Variants in C12orf54 observed in about 807,000 individuals in gnomAD.
C12orf54 encodes the protein uncharacterized protein C12orf54.
In C12orf54, 24 loss-of-function variants were observed where a neutral mutation model predicts 26.4. The ratio of observed to expected loss-of-function variants is 0.91; its 90% CI spans 0.66 to 1.28. The LOEUF is 1.28. Ranked by LOEUF, C12orf54 falls within the 50% of genes most tolerant of loss-of-function variation. The probability of loss-of-function intolerance (pLI) is 0.00; values close to 1 mark genes in which losing one functional copy is unlikely to be tolerated. For missense variants in C12orf54, 154 were observed against 150.9 expected, an observed-to-expected ratio of 1.02 and a Z score of -0.11; for synonymous variants, 54 against 47.0, an observed-to-expected ratio of 1.15 and a Z score of -0.61.
chr12:48,437,263 C>T, the C12orf54 span, among the ~76,000 whole-genome samples: 5 of 152,134 alleles, frequency 3.3e-5, no homozygotes, highest in African/African-American at 9.7e-5. Context: ...TAATTAATAG[C>T]TTACCAACTA....
chr12:48,467,298 A>T, the C12orf54 span, among the ~76,000 whole-genome samples: 1 of 152,208 alleles, frequency 6.6e-6, no homozygotes. Context: ...GAAAGCCTTT[A>T]GAAGAAACGA....
chr12:48,472,771 G>C, the C12orf54 span: 1 of 1,614,032 alleles, frequency 6.2e-7, no homozygotes, highest in Non-Finnish European at 8.5e-7. Flanking sequence ...AAATTGGAAG[G>C]CCTCACAGAT....
At chr12:48,460,260 G>A in the C12orf54 span, among the ~76,000 whole-genome samples, 117 of 152,122 alleles carry the variant, frequency 7.7e-4, 2 homozygotes, top group Admixed American at 3.3e-4. Context: ...GTCATTTCCA[G>A]TTTTGAAACA....
At chr12:48,458,754 A>T in the C12orf54 span, among the ~76,000 whole-genome samples, 1 of 151,260 alleles carries the variant, frequency 6.6e-6, no homozygotes. Flanking sequence ...TTTAAACCAA[A>T]CCTCATACCT....
chr12:48,492,032 A>G (rs1937800661), intron 6 of C12orf54, among the ~76,000 whole-genome samples: 1 of 152,174 alleles, frequency 6.6e-6, no homozygotes, highest in South Asian at 2.1e-4. Flanking sequence ...GTCAGAATTA[A>G]ATAAGATTGA....
In C12orf54 at chr12:48,486,597, C is replaced by G; in HGVS notation, c.97-91C>G. On this transcript the variant is annotated intron_variant, in intron 3 of 8. Coordinates refer to ENST00000548364, the MANE Select transcript of C12orf54 (RefSeq NM_152319.4). ...GGGTGTCCAGCTCAATTCCAAGAAA[C>G]ATCTTGTCTTCCACCAGTTTCATAA... is the stretch of plus-strand genomic sequence containing the variant. 2.2e-6 allele frequency: 3 copies of G among 1,364,142 alleles called. No individual in the cohort carries two copies. In the South Asian group the frequency reaches 3.8e-5, roughly 17 times the overall value. The allele number at this position is 1,364,142 out of a possible 1,614,324, so 84.5% of individuals were successfully genotyped here.
chr12:48,431,940 A>G, the C12orf54 span, among the ~76,000 whole-genome samples: 1 of 152,206 alleles, frequency 6.6e-6, no homozygotes, highest in Non-Finnish European at 1.5e-5. Flanking sequence ...TGACTTGTGC[A>G]CTTTGAATGG....
rs67325885 is a variant in C12orf54 at position 48,488,495 on chromosome 12, A to AAAAAC, written c.136-429_136-428insAAAAC. On this transcript the variant is annotated intron_variant, in intron 4 of 8. Transcript: ENST00000548364. Reference sequence around the variant, plus strand: ...AAACTTACAGCCAAAAAAAAAAAAAAGAAAGAAAGAAAAGAAAGTGCCGGA... The same window carrying AAAAAC: ...AAACTTACAGCCAAAAAAAAAAAAAAAAAACGAAAGAAAGAAAAGAAAGTGCCGGA... 8.2e-4 allele frequency: 275 copies of AAAAAC among 334,408 alleles called. 2 individuals carry two copies. The highest frequency in any genetic ancestry group is 1.7e-3 in the South Asian group (65 of 38,032). The allele number at this position is 334,408 out of a possible 1,614,324, so 20.7% of individuals were successfully genotyped here.
chr12:48,492,846 C>A, intron 6 of C12orf54, 101 bp from the exon 7 acceptor site: 1 of 1,065,312 alleles, frequency 9.4e-7, no homozygotes, highest in Non-Finnish European at 1.4e-6. Context: ...TCTGGACCCT[C>A]CCACTTTGAC....
At chr12:48,437,849 G>T in the C12orf54 span, among the ~76,000 whole-genome samples, 2 of 152,090 alleles carry the variant, frequency 1.3e-5, no homozygotes, top group Non-Finnish European at 2.9e-5. Context: ...GCACAAGACA[G>T]GGATGCCCTC....
At chr12:48,485,013 G>A (rs970243413) in intron 2 of C12orf54, among the ~76,000 whole-genome samples, 1 of 152,136 alleles carries the variant, frequency 6.6e-6, no homozygotes, top group Admixed American at 6.6e-5. Context: ...TGCTATTAAT[G>A]TTCATCAGGA....
chr12:48,486,136 T>A (rs777685814), intron 2 of C12orf54, 42 bp from the exon 3 acceptor site: 10 of 1,571,966 alleles, frequency 6.4e-6, no homozygotes, highest in South Asian at 1.1e-5. Context: ...TTAGCCCACA[T>A]TCTGTGCTCC....
At chr12:48,457,252 T>A in the C12orf54 span, among the ~76,000 whole-genome samples, 1 of 151,006 alleles carries the variant, frequency 6.6e-6, no homozygotes, top group Non-Finnish European at 1.5e-5. Context: ...TGGTGCCAAA[T>A]GAATGCAACA....
At chr12:48,472,517 T>A in the C12orf54 span, 1 of 824,454 alleles carries the variant, frequency 1.2e-6, no homozygotes, top group Non-Finnish European at 1.9e-6. Context: ...TGATGGGAGA[T>A]AATAGATTTT....
the C12orf54 span, among the ~76,000 whole-genome samples, chr12:48,438,805 G>A: frequency 2.0e-5 from 3 of 152,244 alleles, no homozygotes; most frequent in South Asian, 2.1e-4. Flanking sequence ...AAAAACCCTA[G>A]AAGAAAACCT....
chr12:48,424,830 C>T, the C12orf54 span, among the ~76,000 whole-genome samples: 1 of 152,052 alleles, frequency 6.6e-6, no homozygotes, highest in Non-Finnish European at 1.5e-5. Flanking sequence ...AAATGACTAC[C>T]TTATTTTGAT....
chr12:48,433,309 T>A, the C12orf54 span, among the ~76,000 whole-genome samples: 1 of 152,214 alleles, frequency 6.6e-6, no homozygotes, highest in Non-Finnish European at 1.5e-5. Context: ...GACCTTTGCA[T>A]GATAGGCGAT....
At chr12:48,488,784 C>A in intron 4 of C12orf54, 140 bp from the exon 5 acceptor site, 1 of 714,146 alleles carries the variant, frequency 1.4e-6, no homozygotes. Flanking sequence ...GCTAGCGCTA[C>A]AAAGCCACAG....
the C12orf54 span, among the ~76,000 whole-genome samples, chr12:48,421,660 G>T: frequency 0.13 from 20,048 of 151,586 alleles, 2,664 homozygotes; most frequent in East Asian, 0.66. Flanking sequence ...CTCCCAAGTA[G>T]CTGGGGCTAT....
Sources: gnomAD v4.1 joint callset for allele counts (sites outside exome capture counted in the v4.1 genomes callset) on GRCh38, gnomAD v4.1.1 for gene constraint, MANE v1.5 for transcripts, NCBI Gene and HGNC (gene_info 2026-07-23, HGNC 2026-07-21) for gene names.